CACNA2D3: variants seen among roughly 807,000 people sequenced by gnomAD.
The protein encoded by CACNA2D3 is voltage-dependent calcium channel subunit alpha-2/delta-3.
Under a neutral mutation model 160.6 loss-of-function variants are expected in CACNA2D3, and 60 were observed. The ratio of observed to expected loss-of-function variants is 0.37; its 90% CI spans 0.30 to 0.46. The LOEUF is 0.46. Ranked by LOEUF, CACNA2D3 falls within the 20% of genes least tolerant of loss-of-function variation. CACNA2D3 has a pLI of 1.00. For missense variants in CACNA2D3, 1,205 were observed against 1,365.0 expected (o/e 0.88, Z 1.85); for synonymous variants, 558 against 492.9 (o/e 1.13, Z -1.75).
At chr3:54,244,504 T>G (rs1483355938) in intron 2 of CACNA2D3, among the ~76,000 whole-genome samples, 3 of 152,246 alleles carry the variant, frequency 2.0e-5, no homozygotes, top group South Asian at 2.1e-4. Flanking sequence ...GAGTTCCCTG[T>G]GGCAGGAGCC....
intron 2 of CACNA2D3, among the ~76,000 whole-genome samples, chr3:54,179,341 C>G (rs1050244305): frequency 1.3e-5 from 2 of 152,188 alleles, no homozygotes; most frequent in Admixed American, 6.5e-5. Flanking sequence ...CAGTCTTGCT[C>G]TCTTCTGGCT....
At chr3:54,744,091 C>T (rs1047877977) in intron 11 of CACNA2D3, among the ~76,000 whole-genome samples, 2 of 152,142 alleles carry the variant, frequency 1.3e-5, no homozygotes, top group African/African-American at 4.8e-5. Context: ...TCTCAGGGCT[C>T]CTGATTTCTC....
intron 3 of CACNA2D3, among the ~76,000 whole-genome samples, chr3:54,358,410 G>A (rs1575413617): frequency 6.6e-6 from 1 of 152,206 alleles, no homozygotes; most frequent in African/African-American, 2.4e-5. Context: ...AAGGAGGTCC[G>A]GTTGTGACAT....
chr3:54,496,627 A>G (rs765133127), intron 4 of CACNA2D3, among the ~76,000 whole-genome samples: 3 of 152,160 alleles, frequency 2.0e-5, no homozygotes, highest in Non-Finnish European at 4.4e-5. Context: ...GAATTTGATG[A>G]CCAGAAGTTT....
intron 3 of CACNA2D3, among the ~76,000 whole-genome samples, chr3:54,358,737 A>G (rs1698692396): frequency 6.6e-6 from 1 of 152,250 alleles, no homozygotes; most frequent in Non-Finnish European, 1.5e-5. Flanking sequence ...GAAATTGTCT[A>G]TGAATCAAAA....
chr3:54,813,118 G>A (rs1443077426), intron 13 of CACNA2D3, among the ~76,000 whole-genome samples: 1 of 152,108 alleles, frequency 6.6e-6, no homozygotes, highest in Non-Finnish European at 1.5e-5. Context: ...TAAACCCACA[G>A]CACACCACAA....
chr3:54,602,929 A>C (rs372393280), intron 9 of CACNA2D3, among the ~76,000 whole-genome samples: 11 of 152,324 alleles, frequency 7.2e-5, no homozygotes, highest in African/African-American at 2.6e-4. Flanking sequence ...GACCCTTTCA[A>C]AGCACCCACC....
intron 35 of CACNA2D3, among the ~76,000 whole-genome samples, chr3:55,050,005 G>A (rs1236743052): frequency 4.0e-5 from 6 of 150,864 alleles, no homozygotes; most frequent in Non-Finnish European, 7.4e-5. Flanking sequence ...GTCTCTGCAC[G>A]TGAGATGGGT....
intron 12 of CACNA2D3, among the ~76,000 whole-genome samples, chr3:54,754,755 T>C (rs1048586868): frequency 6.6e-6 from 1 of 152,190 alleles, no homozygotes; most frequent in Non-Finnish European, 1.5e-5. Flanking sequence ...TTCCAGTGTT[T>C]GGACTTCAGT....
At chr3:54,551,297 G>A (rs1702152968) in intron 5 of CACNA2D3, among the ~76,000 whole-genome samples, 1 of 152,118 alleles carries the variant, frequency 6.6e-6, no homozygotes, top group African/African-American at 2.4e-5. Flanking sequence ...GTCTGGTTTT[G>A]CCCACTGTTT....
chr3:54,487,360 C>T (rs984311465), intron 4 of CACNA2D3, among the ~76,000 whole-genome samples: 5 of 152,052 alleles, frequency 3.3e-5, no homozygotes, highest in African/African-American at 1.2e-4. Flanking sequence ...AGAGCAAGAC[C>T]CTGTATCAAA....
At position 54,838,573 on chromosome 3, in the gene CACNA2D3, G is replaced by T; in HGVS notation, c.1476G>T (p.Ser492=). 1 of 1,612,218 alleles carries T rather than the reference G, an allele frequency of 6.2e-7. No individual in the cohort carries two copies. Among genetic ancestry groups the T allele is most frequent in the Non-Finnish European group, 8.5e-7 (1 of 1,178,304 alleles). Residue 492 remains serine, a synonymous_variant, in exon 16 of 38, where the codon TCG becomes TCT. Coordinates refer to ENST00000474759, the MANE Select transcript of CACNA2D3 (RefSeq NM_018398.3). The stretch of plus-strand genomic sequence containing the variant: ...TCAATGTTTATTTTCGACAGAGATC[G>T]AAGGGCATTCTTCTGGGAGTGGTTG... ...PVFSKQNETR[S]KGILLGVVGT...
chr3:54,879,311 T>C (rs752834563), intron 19 of CACNA2D3, 39 bp from the exon 20 acceptor site: 2 of 1,522,966 alleles, frequency 1.3e-6, no homozygotes, highest in East Asian at 4.5e-5. Flanking sequence ...CTAACCATGT[T>C]TTCTTTTCTC....
chr3:54,927,182 A>G (rs1701046133), intron 27 of CACNA2D3, among the ~76,000 whole-genome samples: 1 of 152,216 alleles, frequency 6.6e-6, no homozygotes, highest in Non-Finnish European at 1.5e-5. Context: ...CATGGCTGTC[A>G]TGCACTTGAG....
At chr3:54,130,335 A>G (rs1322218632) in intron 2 of CACNA2D3, among the ~76,000 whole-genome samples, 1 of 152,152 alleles carries the variant, frequency 6.6e-6, no homozygotes, top group African/African-American at 2.4e-5. Flanking sequence ...ACAGGTCAAG[A>G]GCTTGGAGCA....
chr3:54,476,267 TATATATCAC>T (rs943391582), intron 4 of CACNA2D3, among the ~76,000 whole-genome samples: 10 of 150,388 alleles, frequency 6.6e-5, no homozygotes, highest in Non-Finnish European at 1.5e-4. Flanking sequence ...TGTGTATATA[TATATATCAC>T]ATATATCACA....
At chr3:54,952,622 C>T (rs2107020331) in intron 27 of CACNA2D3, among the ~76,000 whole-genome samples, 1 of 152,234 alleles carries the variant, frequency 6.6e-6, no homozygotes, top group South Asian at 2.1e-4. Flanking sequence ...TTGGCTCATT[C>T]ATTATAGTTA....
Position 54,939,599 on chromosome 3 carries a change from A to G in CACNA2D3, c.2450-28851A>G, listed in dbSNP as rs376713350. Reference sequence around the variant, plus strand: ...GCTGGGGCCGGAGGTGGGGAAAGCAAGGCATTTTGTGCAGAGAGTTAGCAA... The same window carrying G: ...GCTGGGGCCGGAGGTGGGGAAAGCAGGGCATTTTGTGCAGAGAGTTAGCAA... On this transcript the variant is annotated intron_variant, in intron 27 of 37. Transcript: ENST00000474759. 8.3e-4 allele frequency among the ~76,000 whole-genome samples: 127 copies of G among 152,336 alleles called. 2 individuals carry two copies. The South Asian group carries it at 0.026, about 31-fold the overall frequency.
At chr3:54,419,299 A>G (rs1699802574) in intron 4 of CACNA2D3, among the ~76,000 whole-genome samples, 1 of 152,166 alleles carries the variant, frequency 6.6e-6, no homozygotes, top group African/African-American at 2.4e-5. Context: ...GGCAGATAGA[A>G]GCCCCCATCT....
Sources: gnomAD v4.1 joint callset for allele counts (sites outside exome capture counted in the v4.1 genomes callset) on GRCh38, gnomAD v4.1.1 for gene constraint, MANE v1.5 for transcripts, NCBI Gene and HGNC (gene_info 2026-07-23, HGNC 2026-07-21) for gene names.